The following TMEM131L variants were observed in gnomAD, a reference collection of about 807,000 sequenced individuals.
TMEM131L encodes the protein transmembrane 131 like, also known as transmembrane protein 131-like.
Under a neutral mutation model 192.2 loss-of-function variants are expected in TMEM131L, and 54 were observed. The ratio of observed to expected loss-of-function variants is 0.28; its 90% CI spans 0.23 to 0.35. The LOEUF (loss-of-function observed/expected upper bound fraction) is 0.35, where lower values mean the gene tolerates loss of function less well. TMEM131L is among the 10% of genes least tolerant of loss of function. The probability of loss-of-function intolerance (pLI) is 1.00; values close to 1 mark genes in which losing one functional copy is unlikely to be tolerated. For missense variants in TMEM131L, 1,888 were observed against 1,972.9 expected, an observed-to-expected ratio of 0.96 and a Z score of 0.82; for synonymous variants, 701 against 704.9, an observed-to-expected ratio of 0.99 and a Z score of 0.09.
At chr4:153,561,519 C>A (rs1431799840) in intron 7 of TMEM131L, among the ~76,000 whole-genome samples, 2 of 152,178 alleles carry the variant, frequency 1.3e-5, no homozygotes, top group African/African-American at 2.4e-5. Context: ...TATGACCCAT[C>A]CTCACTTTAA....
chr4:153,488,029 A>G (rs972801642), intron 3 of TMEM131L, among the ~76,000 whole-genome samples: 4 of 136,842 alleles, frequency 2.9e-5, no homozygotes, highest in South Asian at 4.8e-4. Context: ...TTGTGAGCCT[A>G]TGACTGAGGG....
At chr4:153,496,347 A>T (rs1035541096) in intron 3 of TMEM131L, among the ~76,000 whole-genome samples, 1 of 152,184 alleles carries the variant, frequency 6.6e-6, no homozygotes, top group African/African-American at 2.4e-5. Context: ...TTGCATCGAA[A>T]ACGGGGAGGC....
chr4:153,468,738 C>G (rs1226021521), intron 2 of TMEM131L, among the ~76,000 whole-genome samples: 1 of 151,970 alleles, frequency 6.6e-6, no homozygotes, highest in Non-Finnish European at 1.5e-5. Flanking sequence ...CTGCTGCTTC[C>G]CCCTCTCCCC....
intron 3 of TMEM131L, among the ~76,000 whole-genome samples, chr4:153,499,165 C>A (rs116826667): frequency 6.6e-6 from 1 of 152,200 alleles, no homozygotes; most frequent in Non-Finnish European, 1.5e-5. Context: ...CTGAACTAAC[C>A]GTTTCAGGGC....
At chr4:153,544,132 A>G (rs1736998044) in intron 3 of TMEM131L, among the ~76,000 whole-genome samples, 1 of 151,938 alleles carries the variant, frequency 6.6e-6, no homozygotes, top group Non-Finnish European at 1.5e-5. Flanking sequence ...CAGGTGTTGG[A>G]AGAGTTTGCA....
intron 29 of TMEM131L, among the ~76,000 whole-genome samples, chr4:153,624,326 C>T (rs1278366828): frequency 3.9e-5 from 6 of 152,100 alleles, no homozygotes; most frequent in South Asian, 2.1e-4. Context: ...ATCATGTTGC[C>T]CAGGCTGGTC....
At chr4:153,488,421 C>G (rs867809885) in intron 3 of TMEM131L, among the ~76,000 whole-genome samples, 1 of 152,092 alleles carries the variant, frequency 6.6e-6, no homozygotes, top group African/African-American at 2.4e-5. Context: ...GAGTGGGGAC[C>G]GGGCCCTGGT....
chr4:153,478,586 A>G (rs546289447), intron 3 of TMEM131L, among the ~76,000 whole-genome samples: 1 of 152,288 alleles, frequency 6.6e-6, no homozygotes, highest in South Asian at 2.1e-4. Context: ...ACATTTCACT[A>G]GTTTTTCCCT....
Position 153,580,853 on chromosome 4 carries a change from C to G in TMEM131L, c.688C>G (p.Gln230Glu). The G allele has an allele frequency of 1.2e-6, 2 of 1,612,414 alleles. No individual in the cohort carries two copies. Among genetic ancestry groups the G allele is most frequent in the Non-Finnish European group, 1.7e-6 (2 of 1,178,544 alleles). Reference protein sequence around the residue: ...QAETTNTSLLQVQLECSLHNK... With the variant: ...QAETTNTSLLEVQLECSLHNK... The stretch of plus-strand genomic sequence containing the variant: ...AGAAACCACTAATACTAGCCTCTTG[C>G]AGGTGCAACTGGAATGCAGTTTACA... Residue 230 changes from glutamine to glutamate, a missense_variant, in exon 8 of 35, where the codon CAG becomes GAG. Physicochemically the swap from Gln to Glu is conservative, Grantham distance 29. Coordinates refer to ENST00000409959, the MANE Select transcript of TMEM131L (RefSeq NM_001131007.2).
At chr4:153,570,636 A>G (rs1226752496) in intron 7 of TMEM131L, among the ~76,000 whole-genome samples, 2 of 152,112 alleles carry the variant, frequency 1.3e-5, no homozygotes, top group Non-Finnish European at 2.9e-5. Context: ...TGTTTCTGGC[A>G]TCTCCCGGCA....
intron 20 of TMEM131L, among the ~76,000 whole-genome samples, chr4:153,598,291 T>C (rs1233260391): frequency 6.6e-6 from 1 of 152,090 alleles, no homozygotes; most frequent in African/African-American, 2.4e-5. Context: ...TTCTAGTTAT[T>C]AGAAAAATAT....
intron 3 of TMEM131L, among the ~76,000 whole-genome samples, chr4:153,496,198 T>G (rs1367789420): frequency 6.6e-6 from 1 of 152,236 alleles, no homozygotes; most frequent in Admixed American, 6.5e-5. Flanking sequence ...AAATTATCCT[T>G]GCCTAAGCAT....
At chr4:153,576,454 G>A (rs998294486) in intron 7 of TMEM131L, among the ~76,000 whole-genome samples, 2 of 152,070 alleles carry the variant, frequency 1.3e-5, no homozygotes, top group African/African-American at 4.8e-5. Context: ...AATTAAAATG[G>A]CAAGTTATAA....
At chr4:153,502,023 C>T (rs188972650) in intron 3 of TMEM131L, among the ~76,000 whole-genome samples, 121 of 148,982 alleles carry the variant, frequency 8.1e-4, no homozygotes, top group African/African-American at 2.8e-3. Flanking sequence ...ATGATCACGG[C>T]TCACTGCAAC....
Position 153,553,036 on chromosome 4 carries a change from A to G in TMEM131L, c.309-2751A>G, listed in dbSNP as rs558121628. Among the ~76,000 whole-genome samples the G allele has an allele frequency of 3.9e-5, 6 of 152,040 alleles. No homozygotes were observed. In the East Asian group the frequency reaches 1.2e-3, roughly 29 times the overall value. On this transcript the variant is annotated intron_variant, in intron 4 of 34. Coordinates refer to ENST00000409959, the MANE Select transcript of TMEM131L (RefSeq NM_001131007.2). ...TGTATATGATACACTTTTGTTAATT[A>G]GCAATATACATTAATCTCTGGTCCT...
In TMEM131L at chr4:153,623,006, G is replaced by T. The variant is rs1284630558; in HGVS notation, c.3968G>T (p.Trp1323Leu). 3.7e-6 allele frequency: 6 copies of T among 1,614,138 alleles called. No individual in the cohort carries two copies. Among genetic ancestry groups the T allele is most frequent in the Non-Finnish European group, 5.1e-6 (6 of 1,180,018 alleles). Residue 1323 changes from tryptophan (W) to leucine (L), a missense_variant, in exon 29 of 35, where the codon TGG (tryptophan) becomes TTG (leucine). Transcript: ENST00000409959. ...AGCGTGCGTGCCAGCCGGGGCAGCT[G>T]GGGGAGCTGGAGCAGCACCAGCAGC... is the stretch of plus-strand genomic sequence containing the variant. The part of the protein sequence containing the change: ...SGSVRASRGS[W>L]GSWSSTSSSD...
chr4:153,577,044 T>TG, intron 7 of TMEM131L, among the ~76,000 whole-genome samples: 1 of 152,280 alleles, frequency 6.6e-6, no homozygotes, highest in Non-Finnish European at 1.5e-5. Flanking sequence ...TAGAAGTTGC[T>TG]GTGGTGTCTG....
Position 153,564,336 on chromosome 4 carries a change from C to A in TMEM131L, c.660+5968C>A, listed in dbSNP as rs57458423. Among the ~76,000 whole-genome samples the A allele has an allele frequency of 3.9e-3, 585 of 149,298 alleles. 6 individuals carry two copies. Among genetic ancestry groups the A allele is most frequent in the African/African-American group, 0.014 (546 of 39,962 alleles). On this transcript the variant is annotated intron_variant, in intron 7 of 34. Transcript: ENST00000409959. The stretch of plus-strand genomic sequence containing the variant: ...AAAAGGCCCAAGGGAGCTTGTATGC[C>A]CCTTCTGCCATTTGAGGACATAGAT...
At chr4:153,559,805 A>G (rs891529369) in intron 7 of TMEM131L, among the ~76,000 whole-genome samples, 5 of 152,058 alleles carry the variant, frequency 3.3e-5, no homozygotes, top group African/African-American at 1.2e-4. Flanking sequence ...CCTTCAGTGC[A>G]TTCCCATAGG....
Sources: allele counts gnomAD v4.1 joint callset (sites outside exome capture counted in the v4.1 genomes callset), GRCh38; gene constraint gnomAD v4.1.1; transcripts MANE v1.5; gene names NCBI Gene and HGNC (gene_info 2026-07-23, HGNC 2026-07-21).